The following DLGAP2 variants were observed in gnomAD, a reference collection of about 807,000 sequenced individuals.
The protein encoded by DLGAP2 is disks large-associated protein 2.
DLGAP2 carries 26 observed loss-of-function variants against 100.3 expected under a neutral mutation model. That is an observed-to-expected ratio of 0.26 (90% confidence interval 0.19 to 0.36). DLGAP2 has a LOEUF of 0.36. DLGAP2 is among the 10% of genes least tolerant of loss of function. The pLI, the probability that DLGAP2 is intolerant of heterozygous loss-of-function variation, is 1.00. For synonymous variants in DLGAP2, 886 were observed against 630.1 expected (o/e 1.41, Z -6.08); for missense variants, 1,858 against 1,453.2 (o/e 1.28, Z -4.53).
At chr8:1,454,755 C>T (rs1287934256) in intron 3 of DLGAP2, among the ~76,000 whole-genome samples, 2 of 152,164 alleles carry the variant, frequency 1.3e-5, no homozygotes, top group Non-Finnish European at 2.9e-5. Flanking sequence ...GCATCCTAGT[C>T]ACAGAACAGG....
chr8:1,598,586 G>A (rs1796530103), intron 6 of DLGAP2, among the ~76,000 whole-genome samples: 1 of 152,130 alleles, frequency 6.6e-6, no homozygotes, highest in African/African-American at 2.4e-5. Context: ...TCCTCATTTA[G>A]TCTTGGGAGG....
chr8:1,489,984 C>G (rs1277632947), intron 3 of DLGAP2, among the ~76,000 whole-genome samples: 2 of 152,074 alleles, frequency 1.3e-5, no homozygotes, highest in Non-Finnish European at 2.9e-5. Flanking sequence ...CTCCACCTCT[C>G]AGGTTCAAGC....
At chr8:1,582,428 T>A (rs986106513) in intron 6 of DLGAP2, among the ~76,000 whole-genome samples, 3 of 150,678 alleles carry the variant, frequency 2.0e-5, no homozygotes. Context: ...TAAAGTGACA[T>A]ACTTAAAACA....
chr8:1,630,012 C>T (rs1323986700), intron 7 of DLGAP2, among the ~76,000 whole-genome samples: 2 of 152,074 alleles, frequency 1.3e-5, no homozygotes, highest in African/African-American at 4.8e-5. Context: ...TCATTGGAAA[C>T]AATGGTTAAG....
At chr8:899,890 G>T (rs1440318794) in intron 1 of DLGAP2, among the ~76,000 whole-genome samples, 1 of 152,186 alleles carries the variant, frequency 6.6e-6, no homozygotes, top group Non-Finnish European at 1.5e-5. Context: ...AACTGCAGAG[G>T]GTGAGACTGT....
At chr8:1,503,265 G>A (rs1453663570) in intron 4 of DLGAP2, among the ~76,000 whole-genome samples, 1 of 152,110 alleles carries the variant, frequency 6.6e-6, no homozygotes, top group African/African-American at 2.4e-5. Context: ...GTAAAACTCT[G>A]TCCCCATGAA....
At chr8:1,477,544 C>A (rs1346607168) in intron 3 of DLGAP2, among the ~76,000 whole-genome samples, 1 of 152,200 alleles carries the variant, frequency 6.6e-6, no homozygotes, top group Non-Finnish European at 1.5e-5. Context: ...AGCCTGAGAG[C>A]CGGCAGCCCG....
At chr8:823,479 G>T (rs997522201) in intron 1 of DLGAP2, among the ~76,000 whole-genome samples, 2 of 152,108 alleles carry the variant, frequency 1.3e-5, no homozygotes, top group Non-Finnish European at 2.9e-5. Flanking sequence ...GCAAAGAAAA[G>T]ACTCACTCTG....
At chr8:1,559,004 G>A (rs939904900) in intron 5 of DLGAP2, among the ~76,000 whole-genome samples, 5 of 152,172 alleles carry the variant, frequency 3.3e-5, no homozygotes, top group Non-Finnish European at 7.3e-5. Context: ...TATAATCCTG[G>A]CCCCTTTCAC....
intron 3 of DLGAP2, among the ~76,000 whole-genome samples, chr8:1,267,460 G>A (rs1333925612): frequency 3.3e-5 from 5 of 149,836 alleles, no homozygotes; most frequent in Middle Eastern, 3.4e-3. Flanking sequence ...CAGCTAATTG[G>A]GAGGCTGAGA....
chr8:1,020,166 C>A (rs1801588504), intron 2 of DLGAP2, among the ~76,000 whole-genome samples: 1 of 152,062 alleles, frequency 6.6e-6, no homozygotes, highest in Non-Finnish European at 1.5e-5. Context: ...TTATTGATTG[C>A]CTTACAAGTA....
rs117180673 is a variant in DLGAP2 at position 1,284,736 on chromosome 8, C to G, written c.106+25853C>G. 4.7e-4 allele frequency among the ~76,000 whole-genome samples: 72 copies of G among 152,306 alleles called. No homozygotes were observed. In the East Asian group the frequency reaches 0.013, roughly 28 times the overall value. ...GCCTGACCCTCCCACCTCAGCCTCCCGAGTAGCTGGGACCACAGGCAGGTG... is the reference window on the plus strand; with the variant it reads ...GCCTGACCCTCCCACCTCAGCCTCCGGAGTAGCTGGGACCACAGGCAGGTG... On this transcript the variant is annotated intron_variant, in intron 3 of 14. Transcript: ENST00000637795.
At chr8:786,002 A>G (rs1821852338) in intron 1 of DLGAP2, among the ~76,000 whole-genome samples, 1 of 152,208 alleles carries the variant, frequency 6.6e-6, no homozygotes, top group African/African-American at 2.4e-5. Flanking sequence ...TGTCACCGTC[A>G]CCGAGGGCTG....
chr8:1,149,392 T>G (rs1269675269), intron 2 of DLGAP2, among the ~76,000 whole-genome samples: 1 of 152,004 alleles, frequency 6.6e-6, no homozygotes, highest in African/African-American at 2.4e-5. Flanking sequence ...CGTGATCCGC[T>G]CACCTCGGCC....
In DLGAP2 at chr8:1,187,869, A is replaced by T. The variant is rs1381106482; in HGVS notation, c.74-70982A>T. 2.6e-5 allele frequency among the ~76,000 whole-genome samples: 3 copies of T among 116,264 alleles called. 1 individual carries two copies. Among genetic ancestry groups the T allele is most frequent in the Admixed American group, 2.4e-4 (3 of 12,680 alleles). The allele number at this position is 116,264 out of a possible 152,430, so 76.3% of individuals were successfully genotyped here. ...ATCTCACACACCCGGGACCCCCGTG[A>T]CGTTTGCCTCACGGAATCTCACACG... On this transcript the variant is annotated intron_variant, in intron 2 of 14. Transcript: ENST00000637795.
chr8:1,414,688 T>G (rs544699336), intron 3 of DLGAP2, among the ~76,000 whole-genome samples: 13 of 58,952 alleles, frequency 2.2e-4, no homozygotes, highest in Admixed American at 3.6e-4. Flanking sequence ...TGTCTTGCCT[T>G]TACAAGCATG....
At chr8:1,442,064 C>G (rs1013368650) in intron 3 of DLGAP2, among the ~76,000 whole-genome samples, 19 of 152,220 alleles carry the variant, frequency 1.2e-4, no homozygotes, top group Non-Finnish European at 2.8e-4. Flanking sequence ...GGGCACCTTA[C>G]TAAACTCAGG....
At chr8:1,698,225 G>A (rs1166535435) in intron 14 of DLGAP2, among the ~76,000 whole-genome samples, 1 of 152,222 alleles carries the variant, frequency 6.6e-6, no homozygotes, top group African/African-American at 2.4e-5. Flanking sequence ...GGAGTGAGGT[G>A]GGAGTGCACA....
At chr8:1,492,709 C>G (rs1438536799) in intron 3 of DLGAP2, among the ~76,000 whole-genome samples, 1 of 152,244 alleles carries the variant, frequency 6.6e-6, no homozygotes, top group Non-Finnish European at 1.5e-5. Flanking sequence ...CCCCGCCTCC[C>G]TGACTTCCAA....
Sources: allele counts gnomAD v4.1 joint callset (sites outside exome capture counted in the v4.1 genomes callset), GRCh38; gene constraint gnomAD v4.1.1; transcripts MANE v1.5; gene names NCBI Gene and HGNC (gene_info 2026-07-23, HGNC 2026-07-21).